Variants in ATP9B observed in about 807,000 individuals in gnomAD.
The protein encoded by ATP9B is ATPase phospholipid transporting 9B, also known as probable phospholipid-transporting ATPase IIB.
A neutral mutation model predicts 146.1 loss-of-function variants in ATP9B; 110 were observed. That is an observed-to-expected ratio of 0.75 (90% CI 0.65 to 0.88). The LOEUF (loss-of-function observed/expected upper bound fraction) is 0.88. Ranked by LOEUF, ATP9B falls within the 40% of genes least tolerant of loss-of-function variation. The pLI, the probability that ATP9B is intolerant of heterozygous loss-of-function variation, is 0.00. For synonymous variants in ATP9B, 604 were observed against 569.7 expected, an observed-to-expected ratio of 1.06 and a Z score of -0.86; for missense variants, 1,499 against 1,496.4, an observed-to-expected ratio of 1.00 and a Z score of -0.03.
At chr18:79,171,771 A>G (rs188182428) in intron 7 of ATP9B, among the ~76,000 whole-genome samples, 15 of 152,256 alleles carry the variant, frequency 9.9e-5, no homozygotes, top group Non-Finnish European at 1.5e-4. Flanking sequence ...CTCTGCTTCC[A>G]GCAGCCCTCA....
chr18:79,369,727 G>GA (rs1268256532), intron 26 of ATP9B, among the ~76,000 whole-genome samples: 3 of 152,200 alleles, frequency 2.0e-5, no homozygotes, highest in Non-Finnish European at 4.4e-5. Flanking sequence ...AGCGTGCTCT[G>GA]TGCCCCACAG....
At chr18:79,129,783 G>A (rs2094347347) in intron 5 of ATP9B, among the ~76,000 whole-genome samples, 1 of 149,826 alleles carries the variant, frequency 6.7e-6, no homozygotes, top group African/African-American at 2.5e-5. Flanking sequence ...TTGCTCTGTT[G>A]CCCAGGCTGG....
chr18:79,108,600 G>T (rs2075807163), intron 2 of ATP9B, among the ~76,000 whole-genome samples: 1 of 152,184 alleles, frequency 6.6e-6, no homozygotes, highest in African/African-American at 2.4e-5. Flanking sequence ...TAGAATAAGG[G>T]TGGGGGGAGC....
intron 9 of ATP9B, among the ~76,000 whole-genome samples, chr18:79,199,863 C>T (rs1472041072): frequency 1.3e-5 from 2 of 152,012 alleles, no homozygotes; most frequent in Non-Finnish European, 2.9e-5. Context: ...ACATTTTGTC[C>T]TGCTGGAAGA....
intron 2 of ATP9B, among the ~76,000 whole-genome samples, chr18:79,097,482 A>T (rs201942040): frequency 4.8e-5 from 7 of 145,050 alleles, no homozygotes; most frequent in African/African-American, 7.7e-5. Flanking sequence ...TAATTTTTTT[A>T]ATTTTTTATT....
chr18:79,317,667 T>C (rs1358087843), intron 15 of ATP9B, among the ~76,000 whole-genome samples: 1 of 152,102 alleles, frequency 6.6e-6, no homozygotes, highest in Non-Finnish European at 1.5e-5. Context: ...AGAGTACAGG[T>C]AAAGGTGCTG....
At chr18:79,312,097 C>T (rs930776489) in intron 15 of ATP9B, among the ~76,000 whole-genome samples, 4 of 152,078 alleles carry the variant, frequency 2.6e-5, no homozygotes, top group African/African-American at 9.7e-5. Flanking sequence ...GGTCTGCTCA[C>T]GCGCCTTCGC....
chr18:79,339,304 CATG>C (rs1468017762), intron 19 of ATP9B, among the ~76,000 whole-genome samples: 11 of 151,664 alleles, frequency 7.3e-5, no homozygotes, highest in Admixed American at 3.9e-4. Context: ...GGAAGTATGT[CATG>C]ATCACAGTAG....
intron 2 of ATP9B, among the ~76,000 whole-genome samples, chr18:79,099,809 T>C (rs767152506): frequency 6.6e-6 from 1 of 151,994 alleles, no homozygotes; most frequent in Non-Finnish European, 1.5e-5. Flanking sequence ...CTGAATTTCA[T>C]GAGGCCATTG....
At chr18:79,130,699 C>CAG (rs144057631) in intron 5 of ATP9B, among the ~76,000 whole-genome samples, 26 of 150,018 alleles carry the variant, frequency 1.7e-4, no homozygotes, top group Non-Finnish European at 2.8e-4. Context: ...ACCCTGAAAG[C>CAG]AGAGAGAGAG....
intron 13 of ATP9B, among the ~76,000 whole-genome samples, chr18:79,297,819 T>A (rs1266722626): frequency 1.3e-5 from 2 of 148,392 alleles, no homozygotes; most frequent in African/African-American, 2.5e-5. Context: ...GCTGGCCTGA[T>A]CTGTAATTAG....
chr18:79,129,904 CG>C (rs1360522911), intron 5 of ATP9B, among the ~76,000 whole-genome samples: 7 of 152,062 alleles, frequency 4.6e-5, no homozygotes, highest in African/African-American at 1.7e-4. Context: ...CCACCATGCC[CG>C]GCTATTTTTT....
At chr18:79,256,818 T>C (rs1195087809) in intron 12 of ATP9B, among the ~76,000 whole-genome samples, 1 of 152,230 alleles carries the variant, frequency 6.6e-6, no homozygotes, top group Non-Finnish European at 1.5e-5. Context: ...CGCAGCCTTC[T>C]TGGCATTACT....
At chr18:79,310,472 G>A (rs935161424) in intron 15 of ATP9B, among the ~76,000 whole-genome samples, 1 of 152,230 alleles carries the variant, frequency 6.6e-6, no homozygotes, top group African/African-American at 2.4e-5. Flanking sequence ...CTGACCAAGG[G>A]TGGCAAGCAA....
chr18:79,251,408 A>G (rs1337157098), intron 11 of ATP9B, among the ~76,000 whole-genome samples: 3 of 152,222 alleles, frequency 2.0e-5, no homozygotes. Flanking sequence ...TAGAAAAGAA[A>G]ACTTACTATT....
intron 10 of ATP9B, among the ~76,000 whole-genome samples, chr18:79,212,465 T>G (rs1171108027): frequency 6.6e-6 from 1 of 152,226 alleles, no homozygotes; most frequent in Admixed American, 6.5e-5. Context: ...GCTTGATTAA[T>G]TCTTGCAAAG....
At chr18:79,262,515 A>T (rs1336656215) in intron 12 of ATP9B, among the ~76,000 whole-genome samples, 3 of 152,198 alleles carry the variant, frequency 2.0e-5, no homozygotes, top group Middle Eastern at 3.2e-3. Flanking sequence ...TTGGCTAAAG[A>T]GCCCCTTTTT....
At chr18:79,072,537 C>G (rs558655497) in intron 1 of ATP9B, among the ~76,000 whole-genome samples, 1 of 151,970 alleles carries the variant, frequency 6.6e-6, no homozygotes, top group Non-Finnish European at 1.5e-5. Flanking sequence ...ATGGAGTCTC[C>G]TATGTCTACT....
intron 7 of ATP9B, among the ~76,000 whole-genome samples, chr18:79,173,400 G>A (rs1280525000): frequency 6.7e-6 from 1 of 148,904 alleles, no homozygotes; most frequent in Non-Finnish European, 1.5e-5. Context: ...TCATCTTCCA[G>A]CCCTGTGCCC....
Sources: gnomAD v4.1 joint callset for allele counts (sites outside exome capture counted in the v4.1 genomes callset) on GRCh38, gnomAD v4.1.1 for gene constraint, MANE v1.5 for transcripts, NCBI Gene and HGNC (gene_info 2026-07-23, HGNC 2026-07-21) for gene names.